Variants in CNTLN observed in about 807,000 individuals in gnomAD.
CNTLN encodes centlein, centrosomal protein.
Under a neutral mutation model 180.0 loss-of-function variants are expected in CNTLN, and 212 were observed. The ratio of observed to expected loss-of-function variants is 1.18; its 90% CI spans 1.05 to 1.32. The LOEUF is 1.32. Among genes scored for constraint, CNTLN ranks in the 40% most tolerant of loss-of-function variants. CNTLN has a pLI of 0.00. For missense variants in CNTLN, 2,095 were observed against 1,610.9 expected (o/e 1.30, Z -5.14); for synonymous variants, 722 against 563.1 (o/e 1.28, Z -3.99).
intron 2 of CNTLN, among the ~76,000 whole-genome samples, chr9:17,153,999 T>C (rs1032355896): frequency 1.3e-5 from 2 of 152,222 alleles, no homozygotes; most frequent in Admixed American, 1.3e-4. Flanking sequence ...GTTTTTCAGC[T>C]CTGTCAGGTC....
chr9:17,236,948 T>C (rs1825182842), intron 5 of CNTLN, among the ~76,000 whole-genome samples: 1 of 152,216 alleles, frequency 6.6e-6, no homozygotes, highest in Non-Finnish European at 1.5e-5. Context: ...AAGACTATTT[T>C]CTAGATCCTT....
chr9:17,385,187 G>A (rs191109430), intron 13 of CNTLN, among the ~76,000 whole-genome samples: 116 of 152,350 alleles, frequency 7.6e-4, no homozygotes, highest in African/African-American at 2.6e-3. Flanking sequence ...AAGCTTTTGT[G>A]TCCTTTCTGA....
chr9:17,324,304 T>C (rs533205610), intron 8 of CNTLN, among the ~76,000 whole-genome samples: 2 of 152,318 alleles, frequency 1.3e-5, no homozygotes, highest in South Asian at 4.1e-4. Flanking sequence ...ACATTTTAAA[T>C]AACCAGATTT....
chr9:17,330,537 A>G (rs1820574537), intron 8 of CNTLN, 95 bp from the exon 9 acceptor site: 1 of 657,670 alleles, frequency 1.5e-6, no homozygotes, highest in Non-Finnish European at 2.3e-6. Context: ...AATATTTACA[A>G]TTTCTATAAT....
In CNTLN at chr9:17,321,913, A is replaced by G. The variant is rs141646056; in HGVS notation, c.1342-8719A>G. ...CTAGGTATCTTACTGTACAGGATCAAAATAACTTTCAATATATTAGGTCAA... is the reference window on the plus strand; with the variant it reads ...CTAGGTATCTTACTGTACAGGATCAGAATAACTTTCAATATATTAGGTCAA... On this transcript the variant is annotated intron_variant, in intron 8 of 25. Coordinates refer to ENST00000380647, the MANE Select transcript of CNTLN (RefSeq NM_017738.4). Among the ~76,000 whole-genome samples the G allele has an allele frequency of 8.0e-4, 122 of 152,296 alleles. 3 individuals are homozygous for G. The Middle Eastern group carries it at 0.027, about 34-fold the overall frequency.
At chr9:17,142,007 G>GAGA (rs1818133221) in intron 1 of CNTLN, among the ~76,000 whole-genome samples, 1 of 151,130 alleles carries the variant, frequency 6.6e-6, no homozygotes, top group Non-Finnish European at 1.5e-5. Flanking sequence ...ACTTGAACCT[G>GAGA]GGAGGCAGAG....
chr9:17,211,961 C>T lies in CNTLN; in HGVS notation c.450-14242C>T, dbSNP rs142129338. ...CAGCTTAAGGAGATTGGGGCTGAGA[C>T]GATGGGGTTTTCTAAATATACAGTC... On this transcript the variant is annotated intron_variant, in intron 2 of 25. Coordinates refer to ENST00000380647, the MANE Select transcript of CNTLN (RefSeq NM_017738.4). Among the ~76,000 whole-genome samples, 29 of 152,202 alleles carry T rather than the reference C, an allele frequency of 1.9e-4. No homozygotes were observed. The East Asian group carries it at 1.9e-3, about 10-fold the overall frequency.
At chr9:17,388,338 A>T in intron 14 of CNTLN, 85 bp downstream of exon 14, 2 of 866,646 alleles carry the variant, frequency 2.3e-6, no homozygotes, top group Non-Finnish European at 3.6e-6. Context: ...GAGGGCTTGT[A>T]AATGTAAACC....
intron 8 of CNTLN, among the ~76,000 whole-genome samples, chr9:17,324,234 C>T (rs541574149): frequency 6.6e-4 from 100 of 152,084 alleles, no homozygotes; most frequent in Admixed American, 1.1e-3. Flanking sequence ...TAGAGATACA[C>T]CACAAAAAAG....
intron 2 of CNTLN, among the ~76,000 whole-genome samples, chr9:17,175,811 T>G (rs988739190): frequency 3.9e-5 from 6 of 152,168 alleles, no homozygotes; most frequent in African/African-American, 1.4e-4. Flanking sequence ...TTTGTAGTTT[T>G]CAGCATGCAA....
chr9:17,415,844 G>C lies in CNTLN; in HGVS notation c.2853G>C (p.Lys951Asn), dbSNP rs367936935. The C allele has an allele frequency of 3.1e-6, 5 of 1,612,766 alleles. No homozygotes were observed. Among genetic ancestry groups the C allele is most frequent in the South Asian group, 1.1e-5 (1 of 90,858 alleles). ...CAACTTTTCAAAAGAAGAATTGCAA[G>C]ATGCAAAAGAGTTCACATACAGCAG... ...KKPTFQKKNC[K>N]MQKSSHTAVP... Residue 951 changes from lysine to asparagine, a missense_variant, in exon 17 of 26, where the codon AAG (lysine) becomes AAC (asparagine). Lys to Asn is a moderately conservative substitution (Grantham distance 94, BLOSUM62 0). Coordinates refer to ENST00000380647, the MANE Select transcript of CNTLN (RefSeq NM_017738.4).
At chr9:17,249,363 T>G (rs1825997569) in intron 5 of CNTLN, among the ~76,000 whole-genome samples, 1 of 148,070 alleles carries the variant, frequency 6.8e-6, no homozygotes, top group Admixed American at 6.7e-5. Context: ...TGTTTTTTTT[T>G]TTTGAGCTGG....
At chr9:17,442,181 A>G (rs1023885376) in intron 18 of CNTLN, among the ~76,000 whole-genome samples, 3 of 152,230 alleles carry the variant, frequency 2.0e-5, no homozygotes, top group African/African-American at 7.2e-5. Flanking sequence ...CCTAACAGAT[A>G]TGTAGAGAAT....
intron 23 of CNTLN, among the ~76,000 whole-genome samples, chr9:17,475,186 A>G (rs1402157356): frequency 1.3e-5 from 2 of 152,090 alleles, no homozygotes; most frequent in Non-Finnish European, 2.9e-5. Flanking sequence ...GTCAAATTTC[A>G]AACATATGAA....
At chr9:17,445,366 G>A (rs999271343) in intron 18 of CNTLN, among the ~76,000 whole-genome samples, 8 of 151,808 alleles carry the variant, frequency 5.3e-5, no homozygotes, top group Non-Finnish European at 1.0e-4. Flanking sequence ...GACCCTGTGG[G>A]GAAAAGCAAG....
intron 19 of CNTLN, among the ~76,000 whole-genome samples, chr9:17,460,550 G>A (rs1831391909): frequency 6.6e-6 from 1 of 151,702 alleles, no homozygotes. Flanking sequence ...TTCTCTAGAG[G>A]TCTAAAGCAG....
chr9:17,234,987 TAG>T (rs1205585492), intron 3 of CNTLN, among the ~76,000 whole-genome samples: 1 of 152,112 alleles, frequency 6.6e-6, no homozygotes, highest in African/African-American at 2.4e-5. Flanking sequence ...ATAGATTAGA[TAG>T]TCTTTCAGAC....
intron 2 of CNTLN, among the ~76,000 whole-genome samples, chr9:17,204,599 G>A (rs1822782529): frequency 6.6e-6 from 1 of 152,220 alleles, no homozygotes; most frequent in Non-Finnish European, 1.5e-5. Flanking sequence ...CCTGTATGAG[G>A]TGTCTGTCAA....
At chr9:17,432,863 TACAA>T (rs1490422494) in intron 18 of CNTLN, among the ~76,000 whole-genome samples, 7 of 151,694 alleles carry the variant, frequency 4.6e-5, no homozygotes, top group African/African-American at 7.3e-5. Flanking sequence ...CTACTAAAAA[TACAA>T]ACAATTAGCC....
Sources: allele counts gnomAD v4.1 joint callset (sites outside exome capture counted in the v4.1 genomes callset), GRCh38; gene constraint gnomAD v4.1.1; transcripts MANE v1.5; gene names NCBI Gene and HGNC (gene_info 2026-07-23, HGNC 2026-07-21).